PCTP: variants seen among roughly 807,000 people sequenced by gnomAD.
The protein encoded by PCTP is phosphatidylcholine transfer protein, also known as START domain-containing protein 2.
Under a neutral mutation model 31.0 loss-of-function variants are expected in PCTP, and 27 were observed. That is an observed-to-expected ratio of 0.87 (90% CI 0.64 to 1.20). The LOEUF is 1.20. PCTP is among the 50% of genes most tolerant of loss of function. The pLI, the probability that PCTP is intolerant of heterozygous loss-of-function variation, is 0.00. For synonymous variants in PCTP, 108 were observed against 101.2 expected, an observed-to-expected ratio of 1.07 and a Z score of -0.40; for missense variants, 287 against 268.2, an observed-to-expected ratio of 1.07 and a Z score of -0.49.
Position 55,774,863 on chromosome 17 carries a change from A to G in PCTP, c.579+4A>G. The G allele has an allele frequency of 1.5e-6, 1 of 653,418 alleles. No homozygotes were observed. Among genetic ancestry groups the G allele is most frequent in the Non-Finnish European group, 2.5e-6 (1 of 394,726 alleles). The allele number at this position is 653,418 out of a possible 1,614,324, so 40.5% of individuals were successfully genotyped here. A position where few individuals can be genotyped will look rare whatever the true frequency, so the allele number is the denominator to read the frequency against. ...GCTCATTAACTGGGCCGCCAAGGTG[A>G]GATCCCAGGAGGTGGGGCGGGGGGA... is the stretch of plus-strand genomic sequence containing the variant. On this transcript the variant is annotated splice_donor_region_variant and intron_variant, in intron 5 of 5. Coordinates refer to ENST00000268896, the MANE Select transcript of PCTP (RefSeq NM_021213.4).
intron 3 of PCTP, among the ~76,000 whole-genome samples, chr17:55,818,599 G>T: frequency 6.6e-6 from 1 of 152,180 alleles, no homozygotes; most frequent in East Asian, 1.9e-4. Flanking sequence ...CAAGAACAAT[G>T]ACTGGCATGA....
chr17:55,812,942 A>C (rs1459980398), intron 3 of PCTP, among the ~76,000 whole-genome samples: 30 of 152,116 alleles, frequency 2.0e-4, no homozygotes, highest in Admixed American at 2.0e-3. Context: ...CAGTCATGAG[A>C]GTTATCACTC....
chr17:55,774,153 C>G (rs182657783), intron 4 of PCTP, among the ~76,000 whole-genome samples: 219 of 152,290 alleles, frequency 1.4e-3, no homozygotes, highest in Non-Finnish European at 1.5e-3. Flanking sequence ...TGAAACCAGA[C>G]CATTATAAGT....
At chr17:55,759,871 C>G (rs1158203867) in intron 1 of PCTP, among the ~76,000 whole-genome samples, 1 of 152,150 alleles carries the variant, frequency 6.6e-6, no homozygotes, top group Non-Finnish European at 1.5e-5. Context: ...TGACACATCT[C>G]ATATGTAAAT....
chr17:55,827,612 T>G (rs943436756), downstream of PCTP, among the ~76,000 whole-genome samples: 2 of 152,246 alleles, frequency 1.3e-5, no homozygotes, highest in African/African-American at 4.8e-5. Flanking sequence ...AGAACTTGTT[T>G]TGTTGTTATC....
chr17:55,845,440 C>A (rs575454926), downstream of PCTP, among the ~76,000 whole-genome samples: 2 of 152,184 alleles, frequency 1.3e-5, no homozygotes, highest in African/African-American at 4.8e-5. Context: ...CCCAGGACGG[C>A]GTCCGCGGGC....
Position 55,773,719 on chromosome 17 carries a change from T to C in PCTP, c.340-5T>C, listed in dbSNP as rs778151749. 27 of 1,605,638 alleles carry C rather than the reference T, an allele frequency of 1.7e-5. No individual in the cohort carries two copies. In the South Asian group the frequency reaches 2.5e-4, roughly 15 times the overall value. On this transcript the variant is annotated splice_polypyrimidine_tract_variant and splice_region_variant and intron_variant, in intron 3 of 5. Coordinates refer to ENST00000268896, the MANE Select transcript of PCTP (RefSeq NM_021213.4). ...GTTGGTGTCTTGCCTTAACTGGCTA[T>C]GCAGTATGTCTACCTTCGGCAGCGG...
chr17:55,763,069 G>A (rs1447518574), intron 1 of PCTP, among the ~76,000 whole-genome samples: 1 of 152,136 alleles, frequency 6.6e-6, no homozygotes, highest in Non-Finnish European at 1.5e-5. Flanking sequence ...GTGGTTTTCT[G>A]GAGGAGCTTC....
intron 3 of PCTP, among the ~76,000 whole-genome samples, chr17:55,800,029 G>A (rs1464174800): frequency 1.3e-5 from 2 of 151,996 alleles, no homozygotes; most frequent in Non-Finnish European, 2.9e-5. Context: ...TTCAACCTTG[G>A]TGAATCTGAT....
downstream of PCTP, among the ~76,000 whole-genome samples, chr17:55,844,579 G>C (rs552511614): frequency 9.2e-5 from 14 of 152,234 alleles, no homozygotes; most frequent in South Asian, 2.5e-3. Context: ...AGGGGAGGTA[G>C]CCAGCCCAAA....
At position 55,773,867 on chromosome 17, in the gene PCTP, C is replaced by A. The variant is rs2960062; in HGVS notation, c.483C>A (p.Ile161=). 1 of 1,609,592 alleles carries A rather than the reference C, an allele frequency of 6.2e-7. No individual in the cohort carries two copies. The highest frequency in any genetic ancestry group is 1.1e-5 in the South Asian group (1 of 90,810). ...AGCAATACAAGCAGAGCCTGGCGAT[C>A]GAGAGTGACGGCAAGAAGGGGAGCA... ...RVKQYKQSLA[I]ESDGKKGSKV... Residue 161 remains isoleucine, a synonymous_variant, in exon 4 of 6, where the codon ATC becomes ATA. Transcript: ENST00000268896.
At chr17:55,808,046 G>C (rs1912630241) in intron 3 of PCTP, among the ~76,000 whole-genome samples, 2 of 152,130 alleles carry the variant, frequency 1.3e-5, no homozygotes, top group East Asian at 3.9e-4. Flanking sequence ...TGCCTCCTAG[G>C]TCCCAAGTCT....
In PCTP at chr17:55,773,914, G is replaced by A. The variant is rs747668660; in HGVS notation, c.511+19G>A. ...AGCAAAGGTAAAACCCATGGTGCCT[G>A]TCAGTGCACCCAGCCAGGGGTCCCC... On this transcript the variant is annotated intron_variant, in intron 4 of 5. Transcript: ENST00000268896. 4.4e-6 allele frequency: 7 copies of A among 1,576,506 alleles called. No individual in the cohort carries two copies. Among genetic ancestry groups the A allele is most frequent in the Middle Eastern group, 1.7e-4 (1 of 5,974 alleles).
At position 55,773,877 on chromosome 17, in the gene PCTP, G is replaced by A. The variant is rs138595203; in HGVS notation, c.493G>A (p.Gly165Ser). The change falls in exon 4 of 6, where the codon GGC (glycine) becomes AGC (serine). Residue 165 changes from glycine to serine, a missense_variant. Transcript: ENST00000268896. Reference protein sequence around the residue: ...YKQSLAIESDGKKGSKVFMYY... With the variant: ...YKQSLAIESDSKKGSKVFMYY... ...GCAGAGCCTGGCGATCGAGAGTGAC[G>A]GCAAGAAGGGGAGCAAAGGTAAAAC... 243 of 1,606,838 alleles carry A rather than the reference G, an allele frequency of 1.5e-4. No homozygotes were observed. The highest frequency in any genetic ancestry group is 4.0e-4 in the Admixed American group (24 of 59,680).
chr17:55,808,531 A>G (rs114677965), intron 3 of PCTP, among the ~76,000 whole-genome samples: 513 of 152,332 alleles, frequency 3.4e-3, no homozygotes, highest in African/African-American at 0.01. Context: ...CACACTGGCC[A>G]CTGGCCTTCT....
At chr17:55,827,195 C>T (rs1293269682), downstream of PCTP, among the ~76,000 whole-genome samples, 2 of 152,118 alleles carry the variant, frequency 1.3e-5, no homozygotes, top group Admixed American at 6.6e-5. Flanking sequence ...AAGTAGTAGC[C>T]GTGTGCCACT....
intron 1 of PCTP, chr17:55,751,500 G>C: frequency 1.3e-6 from 2 of 1,496,594 alleles, no homozygotes; most frequent in South Asian, 2.4e-5. Flanking sequence ...GGGGCATGTA[G>C]TTAGAAGTTA....
downstream of PCTP, among the ~76,000 whole-genome samples, chr17:55,777,540 G>A (rs1911399235): frequency 6.6e-6 from 1 of 152,186 alleles, no homozygotes; most frequent in African/African-American, 2.4e-5. Flanking sequence ...TCTTCATGTA[G>A]GGATCAATAC....
chr17:55,818,917 T>C (rs1348948196), intron 3 of PCTP, among the ~76,000 whole-genome samples: 1 of 145,722 alleles, frequency 6.9e-6, no homozygotes, highest in Non-Finnish European at 1.5e-5. Flanking sequence ...AGATGCTGGC[T>C]CACAGGGCAC....
Sources: gnomAD v4.1 joint callset for allele counts (sites outside exome capture counted in the v4.1 genomes callset) on GRCh38, gnomAD v4.1.1 for gene constraint, MANE v1.5 for transcripts, NCBI Gene and HGNC (gene_info 2026-07-23, HGNC 2026-07-21) for gene names.